The following PTPRJ variants were observed in gnomAD, a reference collection of about 807,000 sequenced individuals.
The protein encoded by PTPRJ is receptor-type tyrosine-protein phosphatase eta.
A neutral mutation model predicts 141.3 loss-of-function variants in PTPRJ; 129 were observed. That is an observed-to-expected ratio of 0.91 (90% CI 0.79 to 1.06). PTPRJ has a LOEUF of 1.06. Among genes scored for constraint, PTPRJ ranks in the 50% least tolerant of loss-of-function variants. The probability of loss-of-function intolerance (pLI) is 0.00; values close to 1 mark genes in which losing one functional copy is unlikely to be tolerated. For missense variants in PTPRJ, 1,601 were observed against 1,679.7 expected, an observed-to-expected ratio of 0.95 and a Z score of 0.82; for synonymous variants, 610 against 640.5, an observed-to-expected ratio of 0.95 and a Z score of 0.72.
chr11:48,066,358 T>G (rs949500900), intron 1 of PTPRJ, among the ~76,000 whole-genome samples: 1 of 152,060 alleles, frequency 6.6e-6, no homozygotes, highest in Non-Finnish European at 1.5e-5. Flanking sequence ...ACATTAAGTA[T>G]CATAAATATG....
At chr11:47,998,647 A>G (rs1374551306) in intron 1 of PTPRJ, among the ~76,000 whole-genome samples, 1 of 152,246 alleles carries the variant, frequency 6.6e-6, no homozygotes, top group Non-Finnish European at 1.5e-5. Flanking sequence ...ATTCCGTGAA[A>G]AAATGTATGC....
intron 1 of PTPRJ, among the ~76,000 whole-genome samples, chr11:48,022,948 T>G (rs73464806): frequency 0.011 from 1,665 of 151,986 alleles, 29 homozygotes; most frequent in African/African-American, 0.038. Flanking sequence ...GGAGAAGGAT[T>G]TGAAGGCTCA....
chr11:48,167,613 T>TG lies in PTPRJ; in HGVS notation c.*251_*252insG. On this transcript the variant is annotated 3_prime_UTR_variant, in exon 25 of 25. Transcript: ENST00000418331. ...TGGGATGAGGTCACTTTTTTTTTTT[T>TG]TCCCCCTTGAGGATTGTGGAAAACC... 1 of 350,578 alleles carries TG rather than the reference T, an allele frequency of 2.9e-6. No homozygotes were observed. The highest frequency in any genetic ancestry group is 5.1e-6 in the Non-Finnish European group (1 of 197,448). The allele number at this position is 350,578 out of a possible 1,614,324, so 21.7% of individuals were successfully genotyped here.
chr11:48,057,426 C>G (rs1171143563), intron 1 of PTPRJ, among the ~76,000 whole-genome samples: 1 of 152,160 alleles, frequency 6.6e-6, no homozygotes, highest in East Asian at 1.9e-4. Flanking sequence ...CACCTTTACT[C>G]CTGATACAGT....
At position 48,164,467 on chromosome 11, in the gene PTPRJ, G is replaced by A; in HGVS notation, c.3807G>A (p.Gly1269=). The A allele has an allele frequency of 1.2e-6, 2 of 1,613,320 alleles. No homozygotes were observed. The highest frequency in any genetic ancestry group is 3.3e-4 in the Middle Eastern group (2 of 6,060). Residue 1269 remains glycine (G), a synonymous_variant, in exon 24 of 25, where the codon GGG becomes GGA. Coordinates refer to ENST00000418331, the MANE Select transcript of PTPRJ (RefSeq NM_002843.4). ...IENENTVDVY[G]IVYDLRMHRP... is the part of the protein sequence containing the mutation. ...ATGAGAACACCGTGGATGTGTATGG[G>A]ATTGTGTATGACCTTCGAATGCATA...
chr11:48,088,732 A>G (rs1029230595), intron 1 of PTPRJ, among the ~76,000 whole-genome samples: 4 of 152,038 alleles, frequency 2.6e-5, no homozygotes, highest in Non-Finnish European at 5.9e-5. Context: ...TATGGCTCTT[A>G]TGTTCTGCAG....
At chr11:48,037,025 T>G (rs1168776062) in intron 1 of PTPRJ, among the ~76,000 whole-genome samples, 2 of 152,244 alleles carry the variant, frequency 1.3e-5, no homozygotes, top group African/African-American at 4.8e-5. Flanking sequence ...TATTTGCACA[T>G]GCAGATATCA....
In PTPRJ at chr11:48,158,093, A is replaced by G. The variant is rs1857657402; in HGVS notation, c.3439-1837A>G. Among the ~76,000 whole-genome samples, 1 of 152,232 alleles carries G rather than the reference A, an allele frequency of 6.6e-6. No individual in the cohort carries two copies. Among genetic ancestry groups the G allele is most frequent in the Non-Finnish European group, 1.5e-5 (1 of 68,044 alleles). The stretch of plus-strand genomic sequence containing the variant: ...CCTGAACCCAGGAGGCGGAGGTTGC[A>G]GTGAGCCAAGATTGCACCACTGCAC... On this transcript the variant is annotated intron_variant, in intron 21 of 24. Transcript: ENST00000418331. This position sits in a 1 kb window ranked among gnomAD's most constrained non-coding sequence, Gnocchi z 4.4.
chr11:47,990,926 G>A (rs908855746), intron 1 of PTPRJ, among the ~76,000 whole-genome samples: 4 of 151,904 alleles, frequency 2.6e-5, no homozygotes, highest in Admixed American at 2.0e-4. Context: ...TGATCCGCCC[G>A]CCTCAGCCTC....
At chr11:48,093,362 G>A (rs1343732467) in intron 1 of PTPRJ, among the ~76,000 whole-genome samples, 2 of 152,206 alleles carry the variant, frequency 1.3e-5, no homozygotes, top group Non-Finnish European at 2.9e-5. Flanking sequence ...TTCATTACAT[G>A]TTTGGTTCAA....
chr11:48,009,171 G>A (rs532611605), intron 1 of PTPRJ, among the ~76,000 whole-genome samples: 1 of 152,316 alleles, frequency 6.6e-6, no homozygotes, highest in Non-Finnish European at 1.5e-5. Flanking sequence ...TTGAGCGGTG[G>A]AGGATTGCTG....
At chr11:48,110,173 A>G (rs573950635) in intron 2 of PTPRJ, 97 bp downstream of exon 2, 1 of 1,307,880 alleles carries the variant, frequency 7.6e-7, no homozygotes, top group Admixed American at 2.2e-5. Flanking sequence ...CTAATTTATT[A>G]AAACCTGCTC....
At chr11:48,059,109 CCTTTTTTTTTTTT>C (rs1349099362) in intron 1 of PTPRJ, among the ~76,000 whole-genome samples, 9 of 125,932 alleles carry the variant, frequency 7.1e-5, no homozygotes, top group Admixed American at 3.8e-4. Flanking sequence ...CTGTGCTGTG[CCTTTTTTTTTTTT>C]TTTTTTTTTT....
chr11:48,148,357 C>G (rs551418277), intron 15 of PTPRJ, among the ~76,000 whole-genome samples: 20 of 152,320 alleles, frequency 1.3e-4, no homozygotes, highest in Admixed American at 1.3e-3. Flanking sequence ...CAAATGTGTG[C>G]ACACACATGG....
At chr11:48,140,032 G>A (rs886691270) in intron 11 of PTPRJ, among the ~76,000 whole-genome samples, 3 of 152,014 alleles carry the variant, frequency 2.0e-5, no homozygotes, top group Non-Finnish European at 4.4e-5. Flanking sequence ...TCATTGCCAT[G>A]TTTTCTTTTA....
At chr11:48,132,870 C>A in intron 8 of PTPRJ, 1 of 323,580 alleles carries the variant, frequency 3.1e-6, no homozygotes, top group Non-Finnish European at 4.4e-6. Flanking sequence ...AAATGCATCC[C>A]TCAGATGAAA....
chr11:48,029,405 G>A (rs1324597354), intron 1 of PTPRJ, among the ~76,000 whole-genome samples: 1 of 152,168 alleles, frequency 6.6e-6, no homozygotes, highest in Admixed American at 6.5e-5. Flanking sequence ...AGGAAAACAG[G>A]GAGAATTACT....
intron 1 of PTPRJ, among the ~76,000 whole-genome samples, chr11:48,052,148 G>C (rs575746609): frequency 6.6e-6 from 1 of 152,180 alleles, no homozygotes. Context: ...CCTGGATCCC[G>C]TCAGGATGGG....
At position 48,136,426 on chromosome 11, in the gene PTPRJ, T is replaced by C. The variant is rs139766371; in HGVS notation, c.1873+130T>C. ...TCTGAAACTGCTGAAGTTGAAAACA[T>C]TGGTCTCAGCAATGGTTCTGCTGTC... is the stretch of plus-strand genomic sequence containing the variant. On this transcript the variant is annotated intron_variant, in intron 9 of 24. Coordinates refer to ENST00000418331, the MANE Select transcript of PTPRJ (RefSeq NM_002843.4). 5.0e-4 allele frequency: 578 copies of C among 1,167,278 alleles called. 2 individuals carry two copies. The highest frequency in any genetic ancestry group is 4.1e-3 in the Middle Eastern group (19 of 4,682). The allele number at this position is 1,167,278 out of a possible 1,614,324, so 72.3% of individuals were successfully genotyped here.
Sources: gnomAD v4.1 joint callset for allele counts (sites outside exome capture counted in the v4.1 genomes callset) on GRCh38, gnomAD v4.1.1 for gene constraint, Gnocchi (gnomAD v3.1) non-coding constraint, MANE v1.5 for transcripts, NCBI Gene and HGNC (gene_info 2026-07-23, HGNC 2026-07-21) for gene names.